The following FIGLA variants were observed in gnomAD, a reference collection of about 807,000 sequenced individuals.
The protein encoded by FIGLA is factor in the germline alpha.
In FIGLA, 17 loss-of-function variants were observed where a neutral mutation model predicts 21.5. The ratio of observed to expected loss-of-function variants is 0.79; its 90% CI spans 0.54 to 1.19. FIGLA has a LOEUF of 1.19. Ranked by LOEUF, FIGLA falls within the 50% of genes most tolerant of loss-of-function variation. The pLI, the probability that FIGLA is intolerant of heterozygous loss-of-function variation, is 0.00. For missense variants in FIGLA, 282 were observed against 285.0 expected, an observed-to-expected ratio of 0.99 and a Z score of 0.08; for synonymous variants, 129 against 117.6, an observed-to-expected ratio of 1.10 and a Z score of -0.63.
rs114050795 is a variant in FIGLA at position 70,781,908 on chromosome 2, C to T, written c.609+3507G>A. On this transcript the variant is annotated intron_variant, in intron 3 of 4. Coordinates refer to ENST00000332372, the MANE Select transcript of FIGLA (RefSeq NM_001004311.3). ...CCATGAATCTACACGTGTGATAAAA[C>T]AACATACAACTATGCATACGTGGTA... 1.6e-3 allele frequency among the ~76,000 whole-genome samples: 242 copies of T among 152,290 alleles called. 1 individual carries two copies. The highest frequency in any genetic ancestry group is 5.5e-3 in the African/African-American group (229 of 41,556).
At chr2:70,780,679 C>G (rs556422911) in intron 3 of FIGLA, among the ~76,000 whole-genome samples, 1 of 152,218 alleles carries the variant, frequency 6.6e-6, no homozygotes, top group East Asian at 1.9e-4. Context: ...GAAAACTAGC[C>G]AGAAAGACGG....
chr2:70,789,172 A>G (rs199596935), intron 1 of FIGLA, among the ~76,000 whole-genome samples: 1 of 147,214 alleles, frequency 6.8e-6, no homozygotes, highest in Non-Finnish European at 1.5e-5. Flanking sequence ...ATATATATAT[A>G]TGAATACACA....
chr2:70,781,070 C>T (rs1553389034), intron 3 of FIGLA, among the ~76,000 whole-genome samples: 1 of 152,122 alleles, frequency 6.6e-6, no homozygotes, highest in African/African-American at 2.4e-5. Flanking sequence ...GCTGAGTAGG[C>T]CAGGCACTTG....
chr2:70,777,489 T>A (rs556987607), intron 4 of FIGLA, 107 bp from the exon 5 acceptor site: 108 of 1,367,114 alleles, frequency 7.9e-5, no homozygotes, highest in Non-Finnish European at 9.6e-5. Flanking sequence ...TCAAAGATGT[T>A]TAAATTTAAA....
intron 3 of FIGLA, among the ~76,000 whole-genome samples, chr2:70,781,544 A>T (rs1675856431): frequency 6.6e-6 from 1 of 152,218 alleles, no homozygotes; most frequent in Non-Finnish European, 1.5e-5. Flanking sequence ...AAACAACCAA[A>T]ATGTTCTAAA....
chr2:70,782,767 T>C (rs1350774181), intron 3 of FIGLA, among the ~76,000 whole-genome samples: 1 of 152,188 alleles, frequency 6.6e-6, no homozygotes, highest in African/African-American at 2.4e-5. Flanking sequence ...AGACTAATTT[T>C]TTTAATTTTA....
At chr2:70,781,974 T>G (rs1675864507) in intron 3 of FIGLA, among the ~76,000 whole-genome samples, 1 of 152,250 alleles carries the variant, frequency 6.6e-6, no homozygotes, top group African/African-American at 2.4e-5. Context: ...ACTATAGTTA[T>G]GGAAGATGCA....
At position 70,779,764 on chromosome 2, in the gene FIGLA, T is replaced by C. The variant is rs148291282; in HGVS notation, c.610-2093A>G. Reference sequence around the variant, plus strand: ...CTCAAGCCCCAGCACTCTTGGCATCTCACTCCAAAATTGAGGGTGGTCTTT... The same window carrying C: ...CTCAAGCCCCAGCACTCTTGGCATCCCACTCCAAAATTGAGGGTGGTCTTT... On this transcript the variant is annotated intron_variant, in intron 3 of 4. Coordinates refer to ENST00000332372, the MANE Select transcript of FIGLA (RefSeq NM_001004311.3). Among the ~76,000 whole-genome samples, 1,030 of 152,298 alleles carry C rather than the reference T, an allele frequency of 6.8e-3. 8 individuals are homozygous for C. The highest frequency in any genetic ancestry group is 0.011 in the Admixed American group (168 of 15,300).
intron 1 of FIGLA, among the ~76,000 whole-genome samples, chr2:70,789,991 A>G (rs1306725996): frequency 2.0e-5 from 3 of 152,158 alleles, no homozygotes; most frequent in African/African-American, 7.2e-5. Context: ...AGATGCAGAG[A>G]GCAAGAAAAA....
At chr2:70,789,306 G>T (rs983001136) in intron 1 of FIGLA, among the ~76,000 whole-genome samples, 1 of 152,070 alleles carries the variant, frequency 6.6e-6, no homozygotes, top group Non-Finnish European at 1.5e-5. Context: ...TCATTATAAA[G>T]AATAATAAAG....
chr2:70,790,021 C>A (rs1484098996), intron 1 of FIGLA, among the ~76,000 whole-genome samples: 1 of 152,174 alleles, frequency 6.6e-6, no homozygotes, highest in African/African-American at 2.4e-5. Flanking sequence ...GGGATCCCTG[C>A]GCGTCCCAAG....
chr2:70,786,792 C>T (rs1675964754), intron 2 of FIGLA, among the ~76,000 whole-genome samples: 1 of 152,200 alleles, frequency 6.6e-6, no homozygotes, highest in South Asian at 2.1e-4. Context: ...TGTAACCTCT[C>T]ACACTCCTCA....
chr2:70,777,526 T>G, intron 4 of FIGLA, 111 bp downstream of exon 4: 1 of 1,412,874 alleles, frequency 7.1e-7, no homozygotes, highest in Non-Finnish European at 9.6e-7. Context: ...CCATTAAGAT[T>G]CCTTCTTTTA....
intron 1 of FIGLA, among the ~76,000 whole-genome samples, chr2:70,790,134 C>A (rs1676033576): frequency 6.6e-6 from 1 of 152,216 alleles, no homozygotes; most frequent in Non-Finnish European, 1.5e-5. Flanking sequence ...CAGGGCCCCT[C>A]CTCTGTCCCC....
intron 1 of FIGLA, among the ~76,000 whole-genome samples, chr2:70,789,024 A>G (rs188892556): frequency 6.6e-6 from 1 of 152,338 alleles, no homozygotes; most frequent in Non-Finnish European, 1.5e-5. Flanking sequence ...TGAATACATT[A>G]TGGTCCATTT....
Position 70,779,456 on chromosome 2 carries a change from G to A in FIGLA, c.610-1785C>T, listed in dbSNP as rs148891404. Among the ~76,000 whole-genome samples the A allele has an allele frequency of 3.4e-3, 525 of 152,230 alleles. 3 individuals carry two copies. The highest frequency in any genetic ancestry group is 0.012 in the African/African-American group (503 of 41,552). On this transcript the variant is annotated intron_variant, in intron 3 of 4. Coordinates refer to ENST00000332372, the MANE Select transcript of FIGLA (RefSeq NM_001004311.3). Reference sequence around the variant, plus strand: ...GGAAGACAGAAGAAAGAGGCTTCAGGTCTTTCCCAAGGTGCTAATGAATTC... The same window carrying A: ...GGAAGACAGAAGAAAGAGGCTTCAGATCTTTCCCAAGGTGCTAATGAATTC...
chr2:70,790,273 G>C (rs1281413853), intron 1 of FIGLA, 135 bp downstream of exon 1: 3 of 770,190 alleles, frequency 3.9e-6, no homozygotes, highest in African/African-American at 3.7e-5. Context: ...GACAAGCTGG[G>C]GGCGTGGGAG....
At chr2:70,785,348 T>C (rs1200666267) in intron 3 of FIGLA, 67 bp downstream of exon 3, 2 of 1,256,602 alleles carry the variant, frequency 1.6e-6, no homozygotes, top group Admixed American at 2.0e-5. Flanking sequence ...GAAAAATGAC[T>C]CATATCTCAA....
intron 3 of FIGLA, among the ~76,000 whole-genome samples, chr2:70,779,467 G>C (rs1553388822): frequency 1.3e-5 from 2 of 152,092 alleles, no homozygotes; most frequent in East Asian, 3.9e-4. Flanking sequence ...TCTTTCCCAA[G>C]GTGCTAATGA....
Sources: gnomAD v4.1 joint callset for allele counts (sites outside exome capture counted in the v4.1 genomes callset) on GRCh38, gnomAD v4.1.1 for gene constraint, MANE v1.5 for transcripts, NCBI Gene and HGNC (gene_info 2026-07-23, HGNC 2026-07-21) for gene names.